The following NSF variants were observed in gnomAD, a reference collection of about 807,000 sequenced individuals.
The protein encoded by NSF is vesicle-fusing ATPase.
Under a neutral mutation model 50.3 loss-of-function variants are expected in NSF, and 14 were observed. The observed-to-expected ratio is 0.28, with a 90% CI of 0.18 to 0.44. The LOEUF (loss-of-function observed/expected upper bound fraction) is 0.44, where lower values mean the gene tolerates loss of function less well. Among genes scored for constraint, NSF ranks in the 20% least tolerant of loss-of-function variants. The pLI is 1.00. For synonymous variants in NSF, 109 were observed against 175.7 expected, an observed-to-expected ratio of 0.62 and a Z score of 3.00; for missense variants, 218 against 504.3, an observed-to-expected ratio of 0.43 and a Z score of 5.44.
chr17:46,657,925 C>T (rs2146181982), intron 8 of NSF, among the ~76,000 whole-genome samples: 1 of 88,270 alleles, frequency 1.1e-5, no homozygotes, highest in Non-Finnish European at 2.0e-5. Flanking sequence ...TTGAAGAGCT[C>T]ACCACATTTC....
chr17:46,721,195 C>T (rs1467263998), intron 15 of NSF, among the ~76,000 whole-genome samples: 3 of 152,240 alleles, frequency 2.0e-5, no homozygotes, highest in Non-Finnish European at 4.4e-5. Context: ...GGTTGTCTCT[C>T]ATACCCCTCC....
At chr17:46,755,699 TA>T in intron 20 of NSF, 102 bp from the exon 21 acceptor site, 1 of 1,281,100 alleles carries the variant, frequency 7.8e-7, no homozygotes, top group Middle Eastern at 2.0e-4. Context: ...AAATGTAGGA[TA>T]ACCATTAAGA....
chr17:46,610,048 T>TTTCG (rs1491246333), intron 1 of NSF, among the ~76,000 whole-genome samples: 3 of 138,920 alleles, frequency 2.2e-5, no homozygotes, highest in Non-Finnish European at 4.8e-5. Flanking sequence ...TCTCTCTTTC[T>TTTCG]TTCTTTCTTT....
At chr17:46,726,745 G>A (rs2058893522) in intron 16 of NSF, 130 bp downstream of exon 16, 1 of 821,282 alleles carries the variant, frequency 1.2e-6, no homozygotes, top group South Asian at 1.4e-5. Context: ...GTCTTACAAG[G>A]AAATATAATG....
rs1043806066 is a variant in NSF, at chr17:46,704,754, C to G, written c.1375-5C>G. 1.9e-6 allele frequency: 3 copies of G among 1,604,404 alleles called. No homozygotes were observed. The highest frequency in any genetic ancestry group is 2.7e-5 in the African/African-American group (2 of 74,112). Reference sequence around the variant, plus strand: ...TCCTTACATTTTGTTTTTATCTCTTCTTAGGCCAGTACTAAAGTGGAAGTG... The same window carrying G: ...TCCTTACATTTTGTTTTTATCTCTTGTTAGGCCAGTACTAAAGTGGAAGTG... On this transcript the variant is annotated splice_polypyrimidine_tract_variant and splice_region_variant and intron_variant, in intron 12 of 20. Coordinates refer to ENST00000398238, the MANE Select transcript of NSF (RefSeq NM_006178.4).
At chr17:46,722,108 C>CTT (rs2058836921) in intron 15 of NSF, 1 of 1,611,808 alleles carries the variant, frequency 6.2e-7, no homozygotes, top group Non-Finnish European at 8.5e-7. Context: ...GATGGCCGGA[C>CTT]TCGAACTCGT....
At chr17:46,731,179 A>T (rs1333732376) in intron 17 of NSF, among the ~76,000 whole-genome samples, 3 of 152,174 alleles carry the variant, frequency 2.0e-5, no homozygotes, top group African/African-American at 7.2e-5. Flanking sequence ...TAGTACCATT[A>T]CATACTACAA....
At chr17:46,714,624 G>C (rs151137780) in intron 15 of NSF, among the ~76,000 whole-genome samples, 1 of 152,282 alleles carries the variant, frequency 6.6e-6, no homozygotes, top group African/African-American at 2.4e-5. Context: ...TTACATTCAA[G>C]CAAGTGCCAT....
At chr17:46,741,482 T>C (rs2059071365) in intron 17 of NSF, among the ~76,000 whole-genome samples, 1 of 152,198 alleles carries the variant, frequency 6.6e-6, no homozygotes, top group Non-Finnish European at 1.5e-5. Flanking sequence ...AAGAATTTGC[T>C]TCAGGGTAAA....
At chr17:46,601,963 C>T (rs2057916035) in intron 1 of NSF, among the ~76,000 whole-genome samples, 1 of 145,188 alleles carries the variant, frequency 6.9e-6, no homozygotes, top group Admixed American at 6.7e-5. Flanking sequence ...GCGGGTGGAT[C>T]ACTTGAAGCC....
chr17:46,750,139 G>A (rs1271660263), intron 18 of NSF, among the ~76,000 whole-genome samples: 2 of 152,166 alleles, frequency 1.3e-5, no homozygotes, highest in Non-Finnish European at 2.9e-5. Flanking sequence ...GATCACTTGA[G>A]GTCAGGAGTT....
chr17:46,748,298 A>G (rs1202420881), intron 17 of NSF, among the ~76,000 whole-genome samples: 2 of 151,960 alleles, frequency 1.3e-5, no homozygotes, highest in Admixed American at 6.6e-5. Context: ...TTTAGTAGAG[A>G]TGGGGTTTCG....
intron 9 of NSF, among the ~76,000 whole-genome samples, chr17:46,687,456 A>G (rs1386911416): frequency 1.3e-5 from 2 of 150,028 alleles, no homozygotes; most frequent in African/African-American, 4.9e-5. Context: ...TTATCATACT[A>G]CAGGGTAATT....
rs1459891586 is a variant in NSF, at chr17:46,595,861, C to CT, written c.12+5075dup. The stretch of plus-strand genomic sequence containing the variant: ...CTCCCTTACTCCGCCTTCCCAGTCT[C>CT]TGTTATCTATTTTTCCACTCCCTGC... On this transcript the variant is annotated intron_variant, in intron 1 of 20. Transcript: ENST00000398238. 2.1e-5 allele frequency among the ~76,000 whole-genome samples: 3 copies of CT among 141,804 alleles called. 1 individual carries two copies. In the Admixed American group the frequency reaches 2.2e-4, roughly 10 times the overall value. 93.0% of individuals were successfully genotyped at this position (141,804 alleles called of 152,430 possible). A position where few individuals can be genotyped will look rare whatever the true frequency, so the allele number is the denominator to read the frequency against.
At chr17:46,721,837 T>G in intron 15 of NSF, 1 of 1,595,366 alleles carries the variant, frequency 6.3e-7, no homozygotes, top group South Asian at 1.1e-5. Flanking sequence ...GCTTATTTTT[T>G]GTACGGCTTT....
chr17:46,722,770 G>A (rs533054554), intron 15 of NSF, among the ~76,000 whole-genome samples: 198 of 152,292 alleles, frequency 1.3e-3, no homozygotes, highest in African/African-American at 4.7e-3. Context: ...GGATGTGTGT[G>A]TATGTATGTA....
In NSF at chr17:46,756,869, C is replaced by T. The variant is rs549816111; in HGVS notation, c.*1046C>T. 19 of 152,724 alleles carry T rather than the reference C, an allele frequency of 1.2e-4. No homozygotes were observed. The highest frequency in any genetic ancestry group is 4.3e-4 in the African/African-American group (18 of 41,552). 9.5% of individuals were successfully genotyped at this position (152,724 alleles called of 1,614,324 possible). On this transcript the variant is annotated 3_prime_UTR_variant, in exon 21 of 21. Transcript: ENST00000398238. ...CATTGAACACATTTCCTTTACCCTCCACACACTTCTTCCAAAAGGAAGCAC... is the reference window on the plus strand; with the variant it reads ...CATTGAACACATTTCCTTTACCCTCTACACACTTCTTCCAAAAGGAAGCAC...
intron 13 of NSF, 98 bp from the exon 14 acceptor site, chr17:46,710,865 A>T (rs1360429292): frequency 9.5e-7 from 1 of 1,052,432 alleles, no homozygotes; most frequent in East Asian, 2.9e-5. Flanking sequence ...TGGGATAGTG[A>T]TCAATACCTT....
rs1414416786 is a variant in NSF at position 46,757,100 on chromosome 17, G to A, written c.*1277G>A. On this transcript the variant is annotated 3_prime_UTR_variant, in exon 21 of 21. Transcript: ENST00000398238. ...GGCTTGTGGCCACAGTGGCACTTGG[G>A]TGTGGCTCCTCTGTTATTTGTCCTC... 2 of 152,220 alleles carry A rather than the reference G, an allele frequency of 1.3e-5. No homozygotes were observed. The highest frequency in any genetic ancestry group is 2.9e-5 in the Non-Finnish European group (2 of 68,044). The allele number at this position is 152,220 out of a possible 1,614,324, so 9.4% of individuals were successfully genotyped here.
Sources: allele counts gnomAD v4.1 joint callset (sites outside exome capture counted in the v4.1 genomes callset), GRCh38; gene constraint gnomAD v4.1.1; transcripts MANE v1.5; gene names NCBI Gene and HGNC (gene_info 2026-07-23, HGNC 2026-07-21).